RD3: variants seen among roughly 807,000 people sequenced by gnomAD.
RD3 encodes the protein protein RD3.
In RD3, 11 loss-of-function variants were observed where a neutral mutation model predicts 16.9. That is an observed-to-expected ratio of 0.65 (90% CI 0.41 to 1.08). The LOEUF is 1.08. Ranked by LOEUF, RD3 falls within the 50% of genes least tolerant of loss-of-function variation. RD3 has a pLI of 0.00. For missense variants in RD3, 274 were observed against 267.4 expected, an observed-to-expected ratio of 1.02 and a Z score of -0.17; for synonymous variants, 116 against 114.8, an observed-to-expected ratio of 1.01 and a Z score of -0.07.
At chr1:211,484,000 C>T (rs1237430202) in intron 1 of RD3, among the ~76,000 whole-genome samples, 4 of 152,170 alleles carry the variant, frequency 2.6e-5, no homozygotes, top group Non-Finnish European at 4.4e-5. Flanking sequence ...CTGAAATGCC[C>T]GCCCATTCTA....
In RD3 at chr1:211,480,991, G is replaced by T. The variant is rs375547269; in HGVS notation, c.296+129C>A. On this transcript the variant is annotated intron_variant, in intron 2 of 2. Coordinates refer to ENST00000680073, the MANE Select transcript of RD3 (RefSeq NM_001164688.2). Reference sequence around the variant, plus strand: ...TCTTTCAGACTCCTTTTCCCCTCTTGCTCCTTCTAACAGATAACTAGGTCA... The same window carrying T: ...TCTTTCAGACTCCTTTTCCCCTCTTTCTCCTTCTAACAGATAACTAGGTCA... 7 of 966,740 alleles carry T rather than the reference G, an allele frequency of 7.2e-6. No individual in the cohort carries two copies. In the African/African-American group the frequency reaches 1.1e-4, roughly 16 times the overall value. The allele number at this position is 966,740 out of a possible 1,614,324, so 59.9% of individuals were successfully genotyped here.
chr1:211,482,623 T>C (rs905149013), intron 1 of RD3, among the ~76,000 whole-genome samples: 1 of 151,876 alleles, frequency 6.6e-6, no homozygotes, highest in Non-Finnish European at 1.5e-5. Flanking sequence ...TAACTCATCA[T>C]GGAGCCCCCA....
At chr1:211,487,185 G>A (rs534028755) in intron 1 of RD3, among the ~76,000 whole-genome samples, 10 of 152,104 alleles carry the variant, frequency 6.6e-5, no homozygotes, top group African/African-American at 1.4e-4. Flanking sequence ...GACCGAGAAT[G>A]AGCCCCCACC....
rs894412642 is a variant in RD3, at chr1:211,479,435, C to A, written c.297-108G>T. ...CCGTGCATCCTCATGGCCAATTAGT[C>A]CACTCTACTCTGCTCCTGAAGCGAA... On this transcript the variant is annotated intron_variant, in intron 2 of 2. Transcript: ENST00000680073. 7 of 958,036 alleles carry A rather than the reference C, an allele frequency of 7.3e-6. No homozygotes were observed. The African/African-American group carries it at 1.1e-4, about 16-fold the overall frequency. 59.3% of individuals were successfully genotyped at this position (958,036 alleles called of 1,614,324 possible).
At chr1:211,489,697 A>G (rs895299374) in intron 1 of RD3, among the ~76,000 whole-genome samples, 1 of 151,892 alleles carries the variant, frequency 6.6e-6, no homozygotes, top group Non-Finnish European at 1.5e-5. Flanking sequence ...CAGACTCCCA[A>G]AGGGGGCACA....
chr1:211,482,446 G>C (rs1705293320), intron 1 of RD3, among the ~76,000 whole-genome samples: 1 of 151,922 alleles, frequency 6.6e-6, no homozygotes. Context: ...AGTCAGCACT[G>C]ATGTGGGAGG....
chr1:211,484,533 A>T (rs1217205122), intron 1 of RD3, among the ~76,000 whole-genome samples: 3 of 152,190 alleles, frequency 2.0e-5, no homozygotes, highest in Non-Finnish European at 4.4e-5. Flanking sequence ...GAAGACACTG[A>T]AGAAAACTTT....
At chr1:211,481,087 C>CA (rs768030759) in intron 2 of RD3, 33 bp downstream of exon 2, 1 of 1,611,060 alleles carries the variant, frequency 6.2e-7, no homozygotes, top group South Asian at 1.1e-5. Flanking sequence ...CTGGAGCCTG[C>CA]AGCCCAGCAA....
chr1:211,478,870 T>A lies in RD3; in HGVS notation c.*166A>T. 1 of 644,308 alleles carries A rather than the reference T, an allele frequency of 1.6e-6. No homozygotes were observed. The allele number at this position is 644,308 out of a possible 1,614,324, so 39.9% of individuals were successfully genotyped here. Reference sequence around the variant, plus strand: ...CAGCTTTGTGGCCAGAGGAAGAGGATGGGGCAGGGAGTCGCTTCATTTTAT... The same window carrying A: ...CAGCTTTGTGGCCAGAGGAAGAGGAAGGGGCAGGGAGTCGCTTCATTTTAT... On this transcript the variant is annotated 3_prime_UTR_variant, in exon 3 of 3. Coordinates refer to ENST00000680073, the MANE Select transcript of RD3 (RefSeq NM_001164688.2).
intron 1 of RD3, among the ~76,000 whole-genome samples, chr1:211,483,398 T>C (rs1439789685): frequency 6.8e-6 from 1 of 147,502 alleles, no homozygotes; most frequent in Non-Finnish European, 1.5e-5. Flanking sequence ...GGAGGCGGAG[T>C]GAGCTGAGAT....
intron 1 of RD3, among the ~76,000 whole-genome samples, chr1:211,489,680 G>T (rs1004194460): frequency 1.3e-5 from 2 of 151,344 alleles, no homozygotes; most frequent in African/African-American, 4.9e-5. Context: ...CGTGTCCACA[G>T]GCTTCACAGA....
At position 211,477,776 on chromosome 1, in the gene RD3, C is replaced by G. The variant is rs868277120; in HGVS notation, c.*1260G>C. 3.7e-6 allele frequency: 1 copy of G among 269,956 alleles called. No individual in the cohort carries two copies. The highest frequency in any genetic ancestry group is 6.9e-6 in the Non-Finnish European group (1 of 145,610). The allele number at this position is 269,956 out of a possible 1,614,324, so 16.7% of individuals were successfully genotyped here. A position where few individuals can be genotyped will look rare whatever the true frequency, so the allele number is the denominator to read the frequency against. On this transcript the variant is annotated 3_prime_UTR_variant, in exon 3 of 3. Transcript: ENST00000680073. ...ATCTCCTCCGGGTATTTTATTTAGG[C>G]TACTATTAAGGTCCACTTGCATTTT...
At chr1:211,485,972 T>G (rs1478166443) in intron 1 of RD3, among the ~76,000 whole-genome samples, 3 of 151,590 alleles carry the variant, frequency 2.0e-5, no homozygotes, top group Admixed American at 6.6e-5. Context: ...AAACTCCGTC[T>G]CTACCAAAAA....
At chr1:211,485,549 G>A (rs1705356720) in intron 1 of RD3, among the ~76,000 whole-genome samples, 1 of 152,166 alleles carries the variant, frequency 6.6e-6, no homozygotes, top group Non-Finnish European at 1.5e-5. Flanking sequence ...TTATCCCAGG[G>A]TATCCCCAGA....
intron 1 of RD3, among the ~76,000 whole-genome samples, chr1:211,488,069 C>T (rs1372656084): frequency 4.6e-5 from 7 of 152,224 alleles, no homozygotes; most frequent in Admixed American, 2.0e-4. Flanking sequence ...ACCAGCGAGG[C>T]CTTGGTTTCT....
Position 211,478,167 on chromosome 1 carries a change from T to C in RD3, c.*869A>G, listed in dbSNP as rs553037878. ...TCTGAAGTCCTTGGAGCTGAGCCTC[T>C]GGAAGAAGCTGTTAGGGACTGGCCA... On this transcript the variant is annotated 3_prime_UTR_variant, in exon 3 of 3. Transcript: ENST00000680073. The C allele has an allele frequency of 8.0e-5, 32 of 398,672 alleles. No individual in the cohort carries two copies. Among genetic ancestry groups the C allele is most frequent in the African/African-American group, 6.2e-4 (30 of 48,746 alleles). 24.7% of individuals were successfully genotyped at this position (398,672 alleles called of 1,614,324 possible). A position where few individuals can be genotyped will look rare whatever the true frequency, so the allele number is the denominator to read the frequency against.
chr1:211,487,906 G>C (rs1016518221), intron 1 of RD3, among the ~76,000 whole-genome samples: 1 of 152,214 alleles, frequency 6.6e-6, no homozygotes, highest in Non-Finnish European at 1.5e-5. Flanking sequence ...CTCAAGAGAG[G>C]GGGGAAAACA....
At position 211,479,201 on chromosome 1, in the gene RD3, C is replaced by G. The variant is rs1294661537; in HGVS notation, c.423G>C (p.Gln141His). ...QEEEAHKLTR[Q>H]WSLRPRGSLA... ...GGCTGCCGCGGGGCCGCAGGCTCCA[C>G]TGGCGCGTCAGCTTGTGGGCCTCCT... Residue 141 changes from glutamine (Q) to histidine (H), a missense_variant, in exon 3 of 3, where the codon CAG becomes CAC. Gln to His is a conservative substitution (Grantham distance 24). Coordinates refer to ENST00000680073, the MANE Select transcript of RD3 (RefSeq NM_001164688.2). 2 of 1,611,870 alleles carry G rather than the reference C, an allele frequency of 1.2e-6. No homozygotes were observed. The highest frequency in any genetic ancestry group is 3.3e-5 in the Admixed American group (2 of 59,816).
intron 1 of RD3, among the ~76,000 whole-genome samples, chr1:211,484,765 C>T (rs1359563723): frequency 6.6e-6 from 1 of 152,184 alleles, no homozygotes; most frequent in Non-Finnish European, 1.5e-5. Context: ...CCCTCTCTTC[C>T]CACCTCCGCT....
Sources: gnomAD v4.1 joint callset for allele counts (sites outside exome capture counted in the v4.1 genomes callset) on GRCh38, gnomAD v4.1.1 for gene constraint, MANE v1.5 for transcripts, NCBI Gene and HGNC (gene_info 2026-07-23, HGNC 2026-07-21) for gene names.